GALNTL6: variants seen among roughly 807,000 people sequenced by gnomAD.
GALNTL6 encodes polypeptide N-acetylgalactosaminyltransferase-like 6.
In GALNTL6, 46 loss-of-function variants were observed where a neutral mutation model predicts 73.7. The observed-to-expected ratio is 0.62, with a 90% CI of 0.49 to 0.80. The LOEUF (loss-of-function observed/expected upper bound fraction) is 0.80. Ranked by LOEUF, GALNTL6 falls within the 30% of genes least tolerant of loss-of-function variation. The pLI, the probability that GALNTL6 is intolerant of heterozygous loss-of-function variation, is 0.00. For missense variants in GALNTL6, 604 were observed against 755.0 expected (o/e 0.80, Z 2.34); for synonymous variants, 259 against 263.7 (o/e 0.98, Z 0.17).
intron 5 of GALNTL6, among the ~76,000 whole-genome samples, chr4:172,442,639 C>T (rs77875217): frequency 0.021 from 3,248 of 152,174 alleles, 110 homozygotes; most frequent in African/African-American, 0.073. Flanking sequence ...TGTCGTATTC[C>T]GCTCATGCCT....
At chr4:171,963,658 G>A (rs1302816234) in intron 2 of GALNTL6, among the ~76,000 whole-genome samples, 1 of 152,180 alleles carries the variant, frequency 6.6e-6, no homozygotes, top group African/African-American at 2.4e-5. Flanking sequence ...TAACCTAAAT[G>A]TAAATCGCTT....
intron 10 of GALNTL6, among the ~76,000 whole-genome samples, chr4:172,993,446 C>G (rs895756263): frequency 1.3e-5 from 2 of 152,184 alleles, no homozygotes; most frequent in Non-Finnish European, 2.9e-5. Context: ...ATACCAAAAC[C>G]ATTCCAGGTG....
intron 5 of GALNTL6, among the ~76,000 whole-genome samples, chr4:172,470,657 G>T (rs780038372): frequency 6.6e-6 from 1 of 152,052 alleles, no homozygotes; most frequent in Non-Finnish European, 1.5e-5. Flanking sequence ...AATAACTTTG[G>T]AAAAGCCTTA....
At chr4:172,812,438 G>A (rs897708573) in intron 6 of GALNTL6, among the ~76,000 whole-genome samples, 3 of 152,168 alleles carry the variant, frequency 2.0e-5, no homozygotes, top group African/African-American at 7.2e-5. Context: ...CCATTAGACA[G>A]CATTGGTCTC....
chr4:172,149,841 A>G (rs778184799), intron 2 of GALNTL6, among the ~76,000 whole-genome samples: 1 of 152,180 alleles, frequency 6.6e-6, no homozygotes, highest in Non-Finnish European at 1.5e-5. Context: ...ACCACAAAAT[A>G]TCACACCATT....
chr4:172,070,990 GA>G (rs2110901848), intron 2 of GALNTL6, among the ~76,000 whole-genome samples: 1 of 109,326 alleles, frequency 9.1e-6, no homozygotes, highest in East Asian at 2.1e-4. Context: ...CAGAATCACA[GA>G]AACTTATTTA....
At chr4:172,749,989 A>G (rs940473450) in intron 5 of GALNTL6, among the ~76,000 whole-genome samples, 1 of 152,178 alleles carries the variant, frequency 6.6e-6, no homozygotes, top group Non-Finnish European at 1.5e-5. Context: ...CTTATTGATC[A>G]GTCTATTGAA....
At position 172,156,553 on chromosome 4, in the gene GALNTL6, A is replaced by ATATATATATATATAG. The variant is rs1553997725; in HGVS notation, c.139-73089_139-73088insGTATATATATATATA. Among the ~76,000 whole-genome samples, 7 of 137,610 alleles carry ATATATATATATATAG rather than the reference A, an allele frequency of 5.1e-5. 1 individual carries two copies. Among genetic ancestry groups the ATATATATATATATAG allele is most frequent in the African/African-American group, 2.0e-4 (7 of 35,554 alleles). The allele number at this position is 137,610 out of a possible 152,430, so 90.3% of individuals were successfully genotyped here. ...ACATATATATATAATATATATATAT[A>ATATATATATATATAG]TATATATATATATACATACTATATA... is the stretch of plus-strand genomic sequence containing the variant. On this transcript the variant is annotated intron_variant, in intron 2 of 12. Transcript: ENST00000506823.
chr4:172,823,937 T>G (rs1291659392), intron 7 of GALNTL6, among the ~76,000 whole-genome samples: 1 of 152,178 alleles, frequency 6.6e-6, no homozygotes, highest in South Asian at 2.1e-4. Flanking sequence ...CATCTTGTGC[T>G]GTCTAGATTC....
At chr4:172,786,470 A>G (rs4449390) in intron 5 of GALNTL6, among the ~76,000 whole-genome samples, 72,551 of 151,632 alleles carry the variant, frequency 0.48, 18,640 homozygotes, top group East Asian at 0.72. Flanking sequence ...CTGGCATCTA[A>G]TTTAAAAAAT....
At chr4:171,950,358 G>A (rs916564545) in intron 2 of GALNTL6, among the ~76,000 whole-genome samples, 4 of 152,082 alleles carry the variant, frequency 2.6e-5, no homozygotes, top group African/African-American at 4.8e-5. Flanking sequence ...ATTAGTTAAC[G>A]TAGGTTAAAA....
chr4:172,724,944 C>G (rs991223221), intron 5 of GALNTL6, among the ~76,000 whole-genome samples: 9 of 152,098 alleles, frequency 5.9e-5, no homozygotes, highest in Non-Finnish European at 1.5e-5. Flanking sequence ...CTGGGCTCTC[C>G]TTCTTCCAGG....
intron 7 of GALNTL6, among the ~76,000 whole-genome samples, chr4:172,841,464 A>G (rs1167096012): frequency 6.6e-6 from 1 of 152,176 alleles, no homozygotes; most frequent in African/African-American, 2.4e-5. Context: ...TAATCTCGTA[A>G]CTACTGTATT....
At chr4:171,922,958 C>G (rs1439976604) in intron 2 of GALNTL6, among the ~76,000 whole-genome samples, 2 of 151,908 alleles carry the variant, frequency 1.3e-5, no homozygotes, top group Non-Finnish European at 2.9e-5. Flanking sequence ...TTTACTTACT[C>G]CAAAACCCCA....
intron 5 of GALNTL6, among the ~76,000 whole-genome samples, chr4:172,421,632 TA>T (rs1731055398): frequency 6.6e-6 from 1 of 152,060 alleles, no homozygotes; most frequent in Admixed American, 6.6e-5. Context: ...CATATGTATA[TA>T]AGCAATAAAA....
chr4:172,535,817 G>A lies in GALNTL6; in HGVS notation c.553+187128G>A, dbSNP rs74636372. ...TATTCATAGAAGGCTTTATGGACAG[G>A]TGGCTTTCAGGTTGGGCCCTACAAG... On this transcript the variant is annotated intron_variant, in intron 5 of 12. Transcript: ENST00000506823. Among the ~76,000 whole-genome samples, 1,378 of 152,278 alleles carry A rather than the reference G, an allele frequency of 9.0e-3. 11 individuals carry two copies. Among genetic ancestry groups the A allele is most frequent in the Middle Eastern group, 0.027 (8 of 294 alleles).
Position 172,868,496 on chromosome 4 carries a change from T to C in GALNTL6, c.924-14294T>C, listed in dbSNP as rs368636968. On this transcript the variant is annotated intron_variant, in intron 7 of 12. Transcript: ENST00000506823. ...CTGCCTTTTTATAACAGAGAAAACC[T>C]GCTTTTAAGATGCATACTATTGTAC... Among the ~76,000 whole-genome samples the C allele has an allele frequency of 2.0e-5, 3 of 152,352 alleles. No homozygotes were observed. In the East Asian group the frequency reaches 5.8e-4, roughly 29 times the overall value.
At chr4:172,425,924 A>G (rs1282457472) in intron 5 of GALNTL6, among the ~76,000 whole-genome samples, 1 of 152,094 alleles carries the variant, frequency 6.6e-6, no homozygotes, top group Non-Finnish European at 1.5e-5. Flanking sequence ...GTGGACTTAT[A>G]GAAAATGTGT....
intron 2 of GALNTL6, among the ~76,000 whole-genome samples, chr4:172,208,643 TA>T (rs568922459): frequency 8.2e-4 from 125 of 152,050 alleles, no homozygotes; most frequent in African/African-American, 2.6e-3. Context: ...ATTATATATT[TA>T]AAAAAAAGAA....
Sources: allele counts gnomAD v4.1 joint callset (sites outside exome capture counted in the v4.1 genomes callset), GRCh38; gene constraint gnomAD v4.1.1; transcripts MANE v1.5; gene names NCBI Gene and HGNC (gene_info 2026-07-23, HGNC 2026-07-21).